Variants in KCNAB2 observed in about 807,000 individuals in gnomAD.
KCNAB2 encodes potassium voltage-gated channel subfamily A regulatory beta subunit 2.
A neutral mutation model predicts 63.6 loss-of-function variants in KCNAB2; 29 were observed. That is an observed-to-expected ratio of 0.46 (90% CI 0.34 to 0.62). The LOEUF (loss-of-function observed/expected upper bound fraction) is 0.62, where lower values mean the gene tolerates loss of function less well. Ranked by LOEUF, KCNAB2 falls within the 20% of genes least tolerant of loss-of-function variation. The pLI, the probability that KCNAB2 is intolerant of heterozygous loss-of-function variation, is 0.01. For synonymous variants in KCNAB2, 222 were observed against 224.2 expected (o/e 0.99, Z 0.09); for missense variants, 359 against 563.9 (o/e 0.64, Z 3.68).
Position 6,099,675 on chromosome 1 carries a change from G to A in KCNAB2, c.*1101G>A. 2 of 1,294,966 alleles carry A rather than the reference G, an allele frequency of 1.5e-6. No individual in the cohort carries two copies. Among genetic ancestry groups the A allele is most frequent in the East Asian group, 5.2e-5 (2 of 38,802 alleles). 80.2% of individuals were successfully genotyped at this position (1,294,966 alleles called of 1,614,324 possible). A position where few individuals can be genotyped will look rare whatever the true frequency, so the allele number is the denominator to read the frequency against. ...GCTTGGACCCTTTCAGTAAGGAAGG[G>A]TCTTTGGGGTTTTCTGTGCCCATGA... On this transcript the variant is annotated 3_prime_UTR_variant, in exon 16 of 16. Coordinates refer to ENST00000378083, the MANE Select transcript of KCNAB2 (RefSeq NM_001199862.2).
In KCNAB2 at chr1:6,088,994, G is replaced by C. The variant is rs922015661; in HGVS notation, c.471-14G>C. On this transcript the variant is annotated splice_polypyrimidine_tract_variant and intron_variant, in intron 7 of 15. Coordinates refer to ENST00000378083, the MANE Select transcript of KCNAB2 (RefSeq NM_001199862.2). ...ACCGCTGGTGACATCACACGCGGTCGGCCTGTTTTCCAGGGCGGAGACGGA... is the reference window on the plus strand; with the variant it reads ...ACCGCTGGTGACATCACACGCGGTCCGCCTGTTTTCCAGGGCGGAGACGGA... The C allele has an allele frequency of 6.5e-7, 1 of 1,548,114 alleles. No individual in the cohort carries two copies. The highest frequency in any genetic ancestry group is 8.7e-7 in the Non-Finnish European group (1 of 1,145,588).
intron 2 of KCNAB2, among the ~76,000 whole-genome samples, chr1:6,065,429 G>A (rs1042037256): frequency 1.3e-5 from 2 of 152,186 alleles, no homozygotes; most frequent in Admixed American, 1.3e-4. Flanking sequence ...AGCCTCAGCC[G>A]CCCACAGCGC....
At chr1:6,089,987 C>T (rs901420483) in intron 8 of KCNAB2, among the ~76,000 whole-genome samples, 6 of 152,254 alleles carry the variant, frequency 3.9e-5, no homozygotes, top group Admixed American at 3.3e-4. Context: ...CAGGCATGGG[C>T]CACCACGCCC....
chr1:5,996,393 G>T (rs76790503), intron 1 of KCNAB2, among the ~76,000 whole-genome samples: 1 of 152,310 alleles, frequency 6.6e-6, no homozygotes, highest in East Asian at 1.9e-4. Flanking sequence ...CTGGGCTCAG[G>T]CCCCTCCCTG....
intron 4 of KCNAB2, among the ~76,000 whole-genome samples, chr1:6,079,961 G>T (rs1453102806): frequency 6.6e-6 from 1 of 152,244 alleles, no homozygotes; most frequent in Admixed American, 6.5e-5. Context: ...ATGAGCAGGT[G>T]TGGATTGGTT....
At chr1:6,047,700 G>C (rs185322808) in intron 1 of KCNAB2, among the ~76,000 whole-genome samples, 178 of 152,276 alleles carry the variant, frequency 1.2e-3, no homozygotes, top group Admixed American at 2.7e-3. Flanking sequence ...CTCTGTGCAC[G>C]GGACACTCCC....
At chr1:6,049,518 G>GCC (rs1045950190) in intron 1 of KCNAB2, among the ~76,000 whole-genome samples, 1 of 152,232 alleles carries the variant, frequency 6.6e-6, no homozygotes, top group African/African-American at 2.4e-5. Flanking sequence ...ACCCCCGGGA[G>GCC]CCATGCCCAT....
At position 6,014,325 on chromosome 1, in the gene KCNAB2, G is replaced by A. The variant is rs531891429; in HGVS notation, c.-53+21537G>A. Among the ~76,000 whole-genome samples the A allele has an allele frequency of 1.2e-3, 178 of 152,274 alleles. 1 individual carries two copies. The highest frequency in any genetic ancestry group is 4.1e-3 in the African/African-American group (171 of 41,566). On this transcript the variant is annotated intron_variant, in intron 1 of 16. Coordinates refer to the KCNAB2 transcript ENST00000341524. ...CCGCAAGAATGAGGCCCACATCCAG[G>A]AGCAGGCCAGTTTCACGTGAAGCCC...
At position 6,082,263 on chromosome 1, in the gene KCNAB2, C is replaced by A; in HGVS notation, c.369C>A (p.Tyr123Ter). The change falls in exon 5 of 16, where the codon TAC (tyrosine) becomes TAA (stop). Residue 123 changes from tyrosine to a stop codon, truncating the protein, a stop_gained. Coordinates refer to ENST00000378083, the MANE Select transcript of KCNAB2 (RefSeq NM_001199862.2). LOFTEE classifies it high-confidence loss of function. The part of the protein sequence containing the change: ...GINLFDTAEV[Y>*]AAGKAEVVLG... ...ACCTCTTCGATACAGCAGAAGTCTA[C>A]GCAGCCGGCAAGTACGTGTCTTTTC... 1 of 1,612,486 alleles carries A rather than the reference C, an allele frequency of 6.2e-7. No individual in the cohort carries two copies. The highest frequency in any genetic ancestry group is 8.5e-7 in the Non-Finnish European group (1 of 1,179,094).
intron 1 of KCNAB2, among the ~76,000 whole-genome samples, chr1:6,013,141 G>A (rs370755627): frequency 6.6e-6 from 1 of 152,138 alleles, no homozygotes. Flanking sequence ...CTTGTTCAGA[G>A]CGGGCTGAGA....
chr1:6,026,053 C>G (rs1479701761), intron 1 of KCNAB2: 1 of 152,812 alleles, frequency 6.5e-6, no homozygotes, highest in Non-Finnish European at 1.5e-5. Flanking sequence ...GCTCCTGGGC[C>G]GACAGGGAAG....
intron 2 of KCNAB2, among the ~76,000 whole-genome samples, chr1:6,055,075 C>T (rs566446588): frequency 6.6e-6 from 1 of 152,304 alleles, no homozygotes; most frequent in East Asian, 1.9e-4. Flanking sequence ...AAGGACACCT[C>T]ATGAGGGTGT....
At position 6,003,456 on chromosome 1, in the gene KCNAB2, T is replaced by G. The variant is rs1657377569; in HGVS notation, c.-53+10668T>G. On this transcript the variant is annotated intron_variant, in intron 1 of 16. Coordinates refer to the KCNAB2 transcript ENST00000341524. The surrounding 1 kb of genome is among the most constrained non-coding windows in gnomAD (Gnocchi z 4.1). ...CAGGCACCGTCCACCTTCTCCACTC[T>G]TAGCGCGAGCCCTGCCCCAGCCAGG... 6.6e-6 allele frequency among the ~76,000 whole-genome samples: 1 copy of G among 152,178 alleles called. No homozygotes were observed. The highest frequency in any genetic ancestry group is 2.4e-5 in the African/African-American group (1 of 41,440).
rs1350523332 is a variant in KCNAB2, at chr1:6,069,530, C to G, written c.219-3225C>G. 6.6e-6 allele frequency among the ~76,000 whole-genome samples: 1 copy of G among 152,098 alleles called. No individual in the cohort carries two copies. The highest frequency in any genetic ancestry group is 1.5e-5 in the Non-Finnish European group (1 of 68,020). On this transcript the variant is annotated intron_variant, in intron 2 of 15. Coordinates refer to ENST00000378083, the MANE Select transcript of KCNAB2 (RefSeq NM_001199862.2). The surrounding 1 kb of genome is among the most constrained non-coding windows in gnomAD (Gnocchi z 5.4). ...AGACATGAGGCAAATTAATGAAGACCGACAGTATTTGGGTTTCGAGATGTT... is the reference window on the plus strand; with the variant it reads ...AGACATGAGGCAAATTAATGAAGACGGACAGTATTTGGGTTTCGAGATGTT...
At chr1:6,055,438 C>T (rs902631087) in intron 2 of KCNAB2, among the ~76,000 whole-genome samples, 1 of 151,148 alleles carries the variant, frequency 6.6e-6, no homozygotes, top group African/African-American at 2.4e-5. Flanking sequence ...TCACTACAAC[C>T]TCTGCCTCCC....
In KCNAB2 at chr1:6,006,666, T is replaced by C. The variant is rs113235061; in HGVS notation, c.-53+13878T>C. 2.3e-3 allele frequency among the ~76,000 whole-genome samples: 19 copies of C among 8,278 alleles called. 1 individual carries two copies. Among genetic ancestry groups the C allele is most frequent in the African/African-American group, 4.8e-3 (9 of 1,878 alleles). The allele number at this position is 8,278 out of a possible 152,430, so 5.4% of individuals were successfully genotyped here. On this transcript the variant is annotated intron_variant, in intron 1 of 16. Transcript: ENST00000341524. Reference sequence around the variant, plus strand: ...CAGCTCAGGTCCCACATCCCCCACTTCACCCTCCACCCCTCAGCTCAGCTC... The same window carrying C: ...CAGCTCAGGTCCCACATCCCCCACTCCACCCTCCACCCCTCAGCTCAGCTC...
chr1:6,025,758 T>TG (rs1281750285), intron 1 of KCNAB2, among the ~76,000 whole-genome samples: 9 of 152,166 alleles, frequency 5.9e-5, no homozygotes, highest in South Asian at 2.1e-4. Context: ...ACCTGTAGCA[T>TG]GGGGGGGCAG....
Position 6,028,354 on chromosome 1 carries a change from C to G in KCNAB2, c.-52-12163C>G, listed in dbSNP as rs997909694. 2.6e-5 allele frequency among the ~76,000 whole-genome samples: 4 copies of G among 152,246 alleles called. No individual in the cohort carries two copies. The highest frequency in any genetic ancestry group is 9.6e-5 in the African/African-American group (4 of 41,462). ...CTCCTCTAGGCTCTGGCACGCAGAA[C>G]AAGCAGACCATGGTTTTGTGTTATA... is the stretch of plus-strand genomic sequence containing the variant. On this transcript the variant is annotated intron_variant, in intron 1 of 16. Transcript: ENST00000341524. The surrounding 1 kb of genome is among the most constrained non-coding windows in gnomAD (Gnocchi z 4.0).
chr1:6,099,891 ATGCCAGTAAGTCTGCAGGTGCGGGG>A lies in KCNAB2; in HGVS notation c.*1323_*1347del. The A allele has an allele frequency of 6.5e-7, 1 of 1,550,270 alleles. No homozygotes were observed. The highest frequency in any genetic ancestry group is 2.4e-5 in the East Asian group (1 of 40,900). ...TGCAGCTTGGGCCGGAGGGCAAGGG[ATGCCAGTAAGTCTGCAGGTGCGGGG>A]TGCCACCTACAGGCCCAGGCCTGTG... On this transcript the variant is annotated 3_prime_UTR_variant, in exon 16 of 16. Coordinates refer to ENST00000378083, the MANE Select transcript of KCNAB2 (RefSeq NM_001199862.2).
Sources: gnomAD v4.1 joint callset for allele counts (sites outside exome capture counted in the v4.1 genomes callset) on GRCh38, gnomAD v4.1.1 for gene constraint, Gnocchi (gnomAD v3.1) non-coding constraint, MANE v1.5 for transcripts, NCBI Gene and HGNC (gene_info 2026-07-23, HGNC 2026-07-21) for gene names.